The following UGT1A8 variants were observed in gnomAD, a reference collection of about 807,000 sequenced individuals.
UGT1A8 encodes UDP-glucuronosyltransferase 1A8.
UGT1A8 carries 39 observed loss-of-function variants against 45.3 expected under a neutral mutation model. The ratio of observed to expected loss-of-function variants is 0.86; its 90% CI spans 0.67 to 1.12. The LOEUF is 1.12. Among genes scored for constraint, UGT1A8 ranks in the 50% most tolerant of loss-of-function variants. UGT1A8 has a pLI of 0.00. For synonymous variants in UGT1A8, 275 were observed against 249.2 expected (o/e 1.10, Z -0.97); for missense variants, 719 against 664.9 (o/e 1.08, Z -0.90).
At position 233,618,461 on chromosome 2, in the gene UGT1A8, T is replaced by C; in HGVS notation, c.754T>C (p.Leu252=). The change falls in exon 1 of 5, where the codon TTG becomes CTG. Residue 252 remains leucine, a synonymous_variant. Coordinates refer to ENST00000373450, the MANE Select transcript of UGT1A8 (RefSeq NM_019076.5). The part of the protein sequence containing the change: ...YDLYSHTSIW[L]LRTDFVLDYP... ...TCTCTACAGCCACACATCAATTTGGTTGTTGCGAACAGACTTTGTTTTGGA... is the reference window on the plus strand; with the variant it reads ...TCTCTACAGCCACACATCAATTTGGCTGTTGCGAACAGACTTTGTTTTGGA... 6.2e-7 allele frequency: 1 copy of C among 1,613,892 alleles called. No individual in the cohort carries two copies. The highest frequency in any genetic ancestry group is 2.2e-5 in the East Asian group (1 of 44,882).
chr2:233,758,383 T>C (rs1384884444), intron 1 of UGT1A8, among the ~76,000 whole-genome samples: 2 of 152,192 alleles, frequency 1.3e-5, no homozygotes, highest in East Asian at 3.8e-4. Context: ...AGTGGTGACT[T>C]ATGTGTTTAT....
At chr2:233,619,091 G>T (rs901511756) in intron 1 of UGT1A8, among the ~76,000 whole-genome samples, 1 of 151,972 alleles carries the variant, frequency 6.6e-6, no homozygotes, top group African/African-American at 2.4e-5. Flanking sequence ...TATCAGTTTT[G>T]TGTATATTCT....
rs2125450731 is a variant in UGT1A8, at chr2:233,625,427, C to A, written c.855+6865C>A. Among the ~76,000 whole-genome samples the A allele has an allele frequency of 2.0e-5, 3 of 152,172 alleles. No individual in the cohort carries two copies. The East Asian group carries it at 5.8e-4, about 29-fold the overall frequency. ...AAAACAGAACTGTCATTCGACCCAGCAATCTCATTACATTACTGGATATAT... is the reference window on the plus strand; with the variant it reads ...AAAACAGAACTGTCATTCGACCCAGAAATCTCATTACATTACTGGATATAT... On this transcript the variant is annotated intron_variant, in intron 1 of 4. Transcript: ENST00000373450.
intron 1 of UGT1A8, among the ~76,000 whole-genome samples, chr2:233,674,814 T>C (rs369888955): frequency 1.3e-5 from 2 of 152,180 alleles, no homozygotes; most frequent in East Asian, 1.9e-4. Context: ...AAAGAAGGCT[T>C]TCCGGCAAAG....
At chr2:233,760,997 T>A in intron 1 of UGT1A8, 2 of 1,614,168 alleles carry the variant, frequency 1.2e-6, no homozygotes, top group South Asian at 2.2e-5. Flanking sequence ...GCCTCAGAAT[T>A]CCTTCAGAGA....
chr2:233,690,597 A>G, intron 1 of UGT1A8: 1 of 1,289,586 alleles, frequency 7.8e-7, no homozygotes, highest in East Asian at 5.5e-5. Context: ...AGAAAAAAAA[A>G]AAATCGGCCT....
At chr2:233,661,285 A>G (rs2073958731) in intron 1 of UGT1A8, among the ~76,000 whole-genome samples, 1 of 152,052 alleles carries the variant, frequency 6.6e-6, no homozygotes, top group African/African-American at 2.4e-5. Context: ...ATGAGGCTGT[A>G]AAGAACTTAT....
At chr2:233,711,551 A>G (rs1403446059) in intron 1 of UGT1A8, among the ~76,000 whole-genome samples, 2 of 152,184 alleles carry the variant, frequency 1.3e-5, no homozygotes, top group African/African-American at 2.4e-5. Context: ...CCTCCCCTGG[A>G]GAGTTCCCAA....
At chr2:233,748,200 T>A (rs1186439065) in intron 1 of UGT1A8, 1 of 1,532,446 alleles carries the variant, frequency 6.5e-7, no homozygotes, top group Non-Finnish European at 8.8e-7. Flanking sequence ...CTGCTTGTCG[T>A]AATAGCCTTC....
chr2:233,724,512 C>A (rs1184546630), intron 1 of UGT1A8, among the ~76,000 whole-genome samples: 1 of 98,296 alleles, frequency 1.0e-5, no homozygotes, highest in Non-Finnish European at 2.1e-5. Context: ...CGCTCCTCAC[C>A]TCCCAGATGG....
chr2:233,724,346 C>T (rs1441595042), intron 1 of UGT1A8, among the ~76,000 whole-genome samples: 2 of 148,086 alleles, frequency 1.4e-5, no homozygotes, highest in Admixed American at 6.7e-5. Context: ...GCTGACCCCC[C>T]CCACCTCCCT....
chr2:233,771,369 G>A (rs987787590), intron 4 of UGT1A8: 2 of 151,684 alleles, frequency 1.3e-5, no homozygotes, highest in African/African-American at 4.8e-5. Flanking sequence ...CACCTAACCC[G>A]TTTTGGATTG....
At chr2:233,696,454 G>T (rs1177570057) in intron 1 of UGT1A8, among the ~76,000 whole-genome samples, 1 of 152,112 alleles carries the variant, frequency 6.6e-6, no homozygotes, top group Non-Finnish European at 1.5e-5. Context: ...AAATGCTACT[G>T]ATTTTTGTAA....
At chr2:233,658,927 T>C (rs2073910470) in intron 1 of UGT1A8, among the ~76,000 whole-genome samples, 1 of 152,244 alleles carries the variant, frequency 6.6e-6, no homozygotes, top group African/African-American at 2.4e-5. Flanking sequence ...CTATTGTAGG[T>C]TTTCTACATT....
intron 1 of UGT1A8, among the ~76,000 whole-genome samples, chr2:233,757,422 GAAGAA>G (rs1401063463): frequency 6.6e-6 from 1 of 151,344 alleles, no homozygotes; most frequent in African/African-American, 2.4e-5. Flanking sequence ...AACGAAAAGA[GAAGAA>G]AAGTCACTTC....
chr2:233,731,238 T>A (rs2078125574), intron 1 of UGT1A8, among the ~76,000 whole-genome samples: 1 of 152,108 alleles, frequency 6.6e-6, no homozygotes, highest in South Asian at 2.1e-4. Context: ...TGTTGAAAAG[T>A]GGGATGGCAT....
intron 1 of UGT1A8, among the ~76,000 whole-genome samples, chr2:233,632,950 A>G (rs971473084): frequency 6.6e-6 from 1 of 152,204 alleles, no homozygotes; most frequent in Non-Finnish European, 1.5e-5. Context: ...CCCATTCAGT[A>G]TGATATTGGC....
At chr2:233,624,263 TG>T (rs1449046774) in intron 1 of UGT1A8, among the ~76,000 whole-genome samples, 1 of 152,150 alleles carries the variant, frequency 6.6e-6, no homozygotes, top group Non-Finnish European at 1.5e-5. Context: ...TCCTCCAGCC[TG>T]TGACAGTTTC....
chr2:233,637,230 A>G (rs772755640), intron 1 of UGT1A8: 1 of 1,613,806 alleles, frequency 6.2e-7, no homozygotes, highest in Non-Finnish European at 8.5e-7. Flanking sequence ...AAATTCTCCA[A>G]ACCCCTGTCA....
Sources: allele counts gnomAD v4.1 joint callset (sites outside exome capture counted in the v4.1 genomes callset), GRCh38; gene constraint gnomAD v4.1.1; transcripts MANE v1.5; gene names NCBI Gene and HGNC (gene_info 2026-07-23, HGNC 2026-07-21).